TTLL13: variants seen among roughly 807,000 people sequenced by gnomAD.
TTLL13 encodes tubulin polyglutamylase TTLL13.
the TTLL13 span, among the ~76,000 whole-genome samples, chr15:90,260,537 T>C: frequency 2.0e-5 from 3 of 151,072 alleles, no homozygotes; most frequent in African/African-American, 4.9e-5. Context: ...TATTGTTGCA[T>C]TATTTCATTT....
At chr15:90,262,041 T>C in the TTLL13 span, 2 of 1,535,642 alleles carry the variant, frequency 1.3e-6, no homozygotes, top group Non-Finnish European at 1.7e-6. Context: ...GTGGCAATGC[T>C]GGACCAGGAA....
the TTLL13 span, chr15:90,265,109 T>C: frequency 2.4e-6 from 3 of 1,269,372 alleles, no homozygotes; most frequent in African/African-American, 3.0e-5. Context: ...TAAGGCAAAA[T>C]ACAAAGACAC....
the TTLL13 span, chr15:90,255,910 TGA>T: frequency 4.2e-5 from 67 of 1,613,930 alleles, no homozygotes; most frequent in Non-Finnish European, 5.3e-5. Context: ...CTTCCCATGC[TGA>T]GATACCAGGG....
the TTLL13 span, chr15:90,255,676 C>T: frequency 6.3e-7 from 1 of 1,596,912 alleles, no homozygotes; most frequent in Non-Finnish European, 8.6e-7. Context: ...CCCAATCCTC[C>T]TCCACTGCTT....
the TTLL13 span, chr15:90,264,120 A>G: frequency 4.3e-4 from 444 of 1,029,814 alleles, 2 homozygotes; most frequent in African/African-American, 6.5e-3. Context: ...GCAAGCATAG[A>G]GCTTGGATGC....
the TTLL13 span, chr15:90,257,245 C>T: frequency 2.5e-6 from 4 of 1,614,032 alleles, no homozygotes; most frequent in Non-Finnish European, 3.4e-6. Context: ...CCCGTTTTGC[C>T]ACCACGCCCT....
At chr15:90,256,369 CA>C in the TTLL13 span, 1 of 1,589,308 alleles carries the variant, frequency 6.3e-7, no homozygotes, top group African/African-American at 1.3e-5. Context: ...TCCCAAAAGC[CA>C]GGGAGGAAGC....
At chr15:90,250,775 A>G in the TTLL13 span, 2 of 1,614,186 alleles carry the variant, frequency 1.2e-6, no homozygotes, top group Non-Finnish European at 1.7e-6. Flanking sequence ...TAAGGCATTA[A>G]AAAATGGGGT....
At chr15:90,265,345 C>G in the TTLL13 span, 1 of 1,224,292 alleles carries the variant, frequency 8.2e-7, no homozygotes, top group South Asian at 1.9e-5. Flanking sequence ...TGGGCTGTCG[C>G]CGTCAGAAGA....
At chr15:90,264,203 T>C in the TTLL13 span, 2 of 620,786 alleles carry the variant, frequency 3.2e-6, no homozygotes, top group Middle Eastern at 4.1e-4. Context: ...TTTACTCCTT[T>C]TTTTTTGAGA....
At chr15:90,263,614 C>A in the TTLL13 span, 2 of 586,424 alleles carry the variant, frequency 3.4e-6, no homozygotes, top group Middle Eastern at 4.5e-4. Flanking sequence ...TTTGTTGAAC[C>A]CCAAAGGAGT....
the TTLL13 span, chr15:90,259,057 A>T: frequency 6.6e-7 from 1 of 1,510,748 alleles, no homozygotes; most frequent in Non-Finnish European, 8.9e-7. Flanking sequence ...TAATATGTTC[A>T]TATTTGCATT....
chr15:90,263,027 A>T, the TTLL13 span: 2 of 1,536,124 alleles, frequency 1.3e-6, no homozygotes, highest in Non-Finnish European at 1.7e-6. Context: ...GAGGAGCTGG[A>T]GCGGATGAAG....
the TTLL13 span, chr15:90,258,250 T>C: frequency 6.2e-7 from 1 of 1,614,230 alleles, no homozygotes; most frequent in Non-Finnish European, 8.5e-7. Flanking sequence ...GACCACAAGT[T>C]GAAGCCCTGG....
the TTLL13 span, among the ~76,000 whole-genome samples, chr15:90,250,110 CA>C: frequency 0.032 from 4,927 of 151,902 alleles, 271 homozygotes; most frequent in African/African-American, 0.11. Flanking sequence ...GGCAACGCAC[CA>C]GCACACCCAG....
At chr15:90,258,107 C>G in the TTLL13 span, 99 of 1,614,046 alleles carry the variant, frequency 6.1e-5, no homozygotes, top group Non-Finnish European at 7.7e-5. Flanking sequence ...GGGGGGACAT[C>G]GAGGACATCA....
the TTLL13 span, chr15:90,263,380 AT>A: frequency 5.9e-6 from 3 of 512,474 alleles, no homozygotes; most frequent in South Asian, 6.1e-5. Context: ...AAACCTTCTC[AT>A]TTACAGGAAA....
the TTLL13 span, chr15:90,255,644 C>T: frequency 8.0e-6 from 12 of 1,502,772 alleles, no homozygotes; most frequent in Non-Finnish European, 1.1e-5. Context: ...CTTACCTCCA[C>T]TGTGACTTCT....
At chr15:90,250,849 C>T in the TTLL13 span, 1 of 1,614,134 alleles carries the variant, frequency 6.2e-7, no homozygotes, top group Non-Finnish European at 8.5e-7. Flanking sequence ...ACACAGGCGA[C>T]TTAGAAGCTG....
Sources: gnomAD v4.1 joint callset for allele counts (sites outside exome capture counted in the v4.1 genomes callset) on GRCh38, gnomAD v4.1.1 for gene constraint, MANE v1.5 for transcripts, NCBI Gene and HGNC (gene_info 2026-07-23, HGNC 2026-07-21) for gene names.